NRXN3: variants seen among roughly 807,000 people sequenced by gnomAD.
NRXN3 encodes neurexin III.
NRXN3 carries 32 observed loss-of-function variants against 137.6 expected under a neutral mutation model. That is an observed-to-expected ratio of 0.23 (90% confidence interval 0.18 to 0.31). The LOEUF (loss-of-function observed/expected upper bound fraction) is 0.31, where lower values mean the gene tolerates loss of function less well. Among genes scored for constraint, NRXN3 ranks in the 10% least tolerant of loss-of-function variants. The probability of loss-of-function intolerance (pLI) is 1.00; values close to 1 mark genes in which losing one functional copy is unlikely to be tolerated. For missense variants in NRXN3, 1,574 were observed against 2,062.5 expected (o/e 0.76, Z 4.59); for synonymous variants, 798 against 784.5 (o/e 1.02, Z -0.29).
rs2099417597 is a variant in NRXN3, at chr14:79,865,186, C to T, written c.*3222C>T. On this transcript the variant is annotated 3_prime_UTR_variant, in exon 21 of 21. Transcript: ENST00000335750. ...AAGTCTTAGATGTCTTCTTTCCAAG[C>T]CTCCCACCATATTAAAATTTAAAAT... is the stretch of plus-strand genomic sequence containing the variant. 6.6e-6 allele frequency: 1 copy of T among 152,124 alleles called. No individual in the cohort carries two copies. The highest frequency in any genetic ancestry group is 2.4e-5 in the African/African-American group (1 of 41,408). The allele number at this position is 152,124 out of a possible 1,614,324, so 9.4% of individuals were successfully genotyped here.
intron 15 of NRXN3, among the ~76,000 whole-genome samples, chr14:79,323,716 G>A (rs771302989): frequency 9.2e-5 from 14 of 152,056 alleles, no homozygotes; most frequent in Non-Finnish European, 1.3e-4. Context: ...AAACGTAGCC[G>A]GGCGTGGCGG....
intron 15 of NRXN3, among the ~76,000 whole-genome samples, chr14:79,052,894 A>G (rs2099644019): frequency 6.6e-6 from 1 of 152,186 alleles, no homozygotes; most frequent in South Asian, 2.1e-4. Flanking sequence ...GATTGTGCTT[A>G]GCCAAAAAGA....
At chr14:78,681,497 T>A (rs1442078839) in intron 6 of NRXN3, among the ~76,000 whole-genome samples, 1 of 152,186 alleles carries the variant, frequency 6.6e-6, no homozygotes, top group Admixed American at 6.5e-5. Context: ...ATACTTCAGA[T>A]CAGTGGTTTG....
intron 4 of NRXN3, among the ~76,000 whole-genome samples, chr14:78,364,272 G>A (rs1269037291): frequency 6.6e-6 from 1 of 152,170 alleles, no homozygotes; most frequent in Non-Finnish European, 1.5e-5. Context: ...GATAGGTAAG[G>A]TAGGAGGCTA....
intron 4 of NRXN3, among the ~76,000 whole-genome samples, chr14:78,356,832 A>C (rs958504232): frequency 6.6e-6 from 1 of 152,214 alleles, no homozygotes; most frequent in Non-Finnish European, 1.5e-5. Context: ...CTACTCAGCA[A>C]AAAAGGGAAA....
chr14:79,166,711 A>G (rs925837425), intron 15 of NRXN3, among the ~76,000 whole-genome samples: 1 of 151,814 alleles, frequency 6.6e-6, no homozygotes, highest in East Asian at 1.9e-4. Context: ...TTTTTTAAAA[A>G]GAACCATCTT....
intron 15 of NRXN3, among the ~76,000 whole-genome samples, chr14:79,041,733 A>G (rs1486913361): frequency 1.3e-5 from 2 of 152,218 alleles, no homozygotes; most frequent in Admixed American, 6.5e-5. Flanking sequence ...AATGGAAGCA[A>G]TGTAAAAAGA....
intron 15 of NRXN3, among the ~76,000 whole-genome samples, chr14:79,236,413 G>A (rs8015846): frequency 3.9e-5 from 6 of 151,972 alleles, no homozygotes; most frequent in Non-Finnish European, 7.4e-5. Flanking sequence ...GCTGATAAGC[G>A]TTAGACACTA....
intron 4 of NRXN3, among the ~76,000 whole-genome samples, chr14:78,525,753 A>G (rs2096368668): frequency 6.6e-6 from 1 of 152,204 alleles, no homozygotes. Flanking sequence ...TAACTGGCAA[A>G]AAATGGAAAT....
intron 10 of NRXN3, among the ~76,000 whole-genome samples, chr14:78,863,853 T>C (rs1221750878): frequency 1.3e-5 from 2 of 152,144 alleles, no homozygotes; most frequent in Non-Finnish European, 2.9e-5. Flanking sequence ...TCATCATCAT[T>C]ATAAATTCAA....
intron 19 of NRXN3, among the ~76,000 whole-genome samples, chr14:79,725,002 T>C (rs772070500): frequency 2.0e-5 from 3 of 152,082 alleles, no homozygotes; most frequent in Admixed American, 6.6e-5. Context: ...AAAGGTAGGA[T>C]TGATTGTAAT....
intron 19 of NRXN3, among the ~76,000 whole-genome samples, chr14:79,743,434 A>G (rs1398828364): frequency 6.6e-6 from 1 of 152,182 alleles, no homozygotes; most frequent in African/African-American, 2.4e-5. Context: ...GGGAATGTAT[A>G]TTTCAAAATA....
At chr14:79,380,462 C>T (rs999116116) in intron 15 of NRXN3, among the ~76,000 whole-genome samples, 1 of 151,530 alleles carries the variant, frequency 6.6e-6, no homozygotes, top group Non-Finnish European at 1.5e-5. Context: ...GTTTTCTGTC[C>T]TTGCGATAGT....
At chr14:78,359,807 AGTCT>A (rs1281821702) in intron 4 of NRXN3, among the ~76,000 whole-genome samples, 1 of 152,112 alleles carries the variant, frequency 6.6e-6, no homozygotes, top group Non-Finnish European at 1.5e-5. Flanking sequence ...GCCTGGTGTG[AGTCT>A]GTCTATCTAG....
chr14:78,265,186 A>C (rs947550121), intron 2 of NRXN3, among the ~76,000 whole-genome samples: 6 of 152,198 alleles, frequency 3.9e-5, no homozygotes, highest in South Asian at 2.1e-4. Context: ...GTTGTAGGTC[A>C]GGGGCAGGAG....
Position 79,686,084 on chromosome 14 carries a change from G to A in NRXN3, c.3617-6089G>A, listed in dbSNP as rs186348772. Among the ~76,000 whole-genome samples the A allele has an allele frequency of 8.7e-3, 1,317 of 152,084 alleles. 19 individuals are homozygous for A. Among genetic ancestry groups the A allele is most frequent in the Middle Eastern group, 0.024 (7 of 294 alleles). Reference sequence around the variant, plus strand: ...CGAGGCGGGTGGATCACGAGGTCAGGAGTTGGAGACCAGCCTGGCCAACAC... The same window carrying A: ...CGAGGCGGGTGGATCACGAGGTCAGAAGTTGGAGACCAGCCTGGCCAACAC... On this transcript the variant is annotated intron_variant, in intron 17 of 20. Coordinates refer to ENST00000335750, the MANE Select transcript of NRXN3 (RefSeq NM_001330195.2).
chr14:79,603,935 TG>T (rs1244190659), intron 16 of NRXN3, among the ~76,000 whole-genome samples: 4 of 152,162 alleles, frequency 2.6e-5, no homozygotes, highest in African/African-American at 9.7e-5. Context: ...TCACCCAGGC[TG>T]GAATGCAGTG....
At chr14:78,847,166 G>A (rs2099029547) in intron 10 of NRXN3, among the ~76,000 whole-genome samples, 1 of 152,042 alleles carries the variant, frequency 6.6e-6, no homozygotes, top group African/African-American at 2.4e-5. Context: ...AACTCCATAT[G>A]AGAGCCCTCC....
At chr14:78,444,364 T>A (rs577591807) in intron 4 of NRXN3, among the ~76,000 whole-genome samples, 17 of 152,248 alleles carry the variant, frequency 1.1e-4, no homozygotes, top group Admixed American at 1.1e-3. Flanking sequence ...GTTTTTCTGC[T>A]CCATCATGCG....
Sources: allele counts gnomAD v4.1 joint callset (sites outside exome capture counted in the v4.1 genomes callset), GRCh38; gene constraint gnomAD v4.1.1; transcripts MANE v1.5; gene names NCBI Gene and HGNC (gene_info 2026-07-23, HGNC 2026-07-21).